Variants in RAB3IP observed in about 807,000 individuals in gnomAD.
RAB3IP encodes the protein RAB3A interacting protein.
RAB3IP carries 36 observed loss-of-function variants against 59.1 expected under a neutral mutation model. The ratio of observed to expected loss-of-function variants is 0.61; its 90% confidence interval spans 0.47 to 0.80. The LOEUF (loss-of-function observed/expected upper bound fraction) is 0.80, where lower values mean the gene tolerates loss of function less well. RAB3IP is among the 30% of genes least tolerant of loss of function. RAB3IP has a pLI of 0.00. For missense variants in RAB3IP, 511 were observed against 536.0 expected (o/e 0.95, Z 0.46); for synonymous variants, 207 against 191.2 (o/e 1.08, Z -0.68).
intron 1 of RAB3IP, among the ~76,000 whole-genome samples, chr12:69,750,191 G>A (rs1440948897): frequency 2.0e-5 from 3 of 152,128 alleles, no homozygotes; most frequent in African/African-American, 7.2e-5. Context: ...TTTAGTAAGT[G>A]CTCAACGAAT....
At chr12:69,757,669 C>G (rs1405352729) in intron 3 of RAB3IP, among the ~76,000 whole-genome samples, 1 of 152,190 alleles carries the variant, frequency 6.6e-6, no homozygotes, top group African/African-American at 2.4e-5. Flanking sequence ...TATTCCCACT[C>G]TTTCCCTAGC....
intron 8 of RAB3IP, among the ~76,000 whole-genome samples, chr12:69,811,392 T>C (rs1880435892): frequency 6.6e-6 from 1 of 152,146 alleles, no homozygotes; most frequent in Non-Finnish European, 1.5e-5. Context: ...CTCCTGAACT[T>C]ACAAGTTAAA....
chr12:69,773,424 A>C (rs80148110), intron 3 of RAB3IP, among the ~76,000 whole-genome samples: 1 of 28,034 alleles, frequency 3.6e-5, no homozygotes, highest in African/African-American at 1.4e-4. Flanking sequence ...TTTTTTTTTT[A>C]TTATACTCTA....
At chr12:69,770,283 A>G (rs1427722240) in intron 3 of RAB3IP, among the ~76,000 whole-genome samples, 4 of 152,192 alleles carry the variant, frequency 2.6e-5, no homozygotes, top group South Asian at 2.1e-4. Flanking sequence ...CAGTCCTCCA[A>G]ATCCGCCCCC....
intron 4 of RAB3IP, among the ~76,000 whole-genome samples, chr12:69,787,405 A>G (rs906082798): frequency 9.9e-5 from 15 of 152,168 alleles, no homozygotes; most frequent in African/African-American, 3.1e-4. Context: ...GTAAATGTTT[A>G]TGATATGTCT....
intron 8 of RAB3IP, among the ~76,000 whole-genome samples, chr12:69,805,364 TG>T (rs1176580405): frequency 2.6e-5 from 4 of 152,166 alleles, no homozygotes; most frequent in Non-Finnish European, 5.9e-5. Context: ...GAGACTTTGC[TG>T]AAGTTGCTTA....
chr12:69,752,154 C>G (rs1034447770), intron 1 of RAB3IP, among the ~76,000 whole-genome samples: 3 of 151,526 alleles, frequency 2.0e-5, no homozygotes, highest in African/African-American at 7.3e-5. Flanking sequence ...TAGGCCTGCA[C>G]TATCACACCC....
At chr12:69,814,235 GAA>G (rs1425847561) in intron 10 of RAB3IP, among the ~76,000 whole-genome samples, 1 of 152,116 alleles carries the variant, frequency 6.6e-6, no homozygotes, top group African/African-American at 2.4e-5. Context: ...TGGAAAGACA[GAA>G]AGATAATTTA....
rs1342819351 is a variant in RAB3IP at position 69,818,593 on chromosome 12, G to T, written c.*3147G>T. The T allele has an allele frequency of 6.6e-6, 1 of 152,150 alleles. No homozygotes were observed. Among genetic ancestry groups the T allele is most frequent in the Non-Finnish European group, 1.5e-5 (1 of 68,032 alleles). The allele number at this position is 152,150 out of a possible 1,614,324, so 9.4% of individuals were successfully genotyped here. A position where few individuals can be genotyped will look rare whatever the true frequency, so the allele number is the denominator to read the frequency against. On this transcript the variant is annotated 3_prime_UTR_variant, in exon 11 of 11. Transcript: ENST00000247833. ...ATGTCTATTTTTAGGAAGGTGTAAT[G>T]TGTTCACAGAATGGGTGATTATTAC...
At chr12:69,738,417 C>G (rs1023271046), upstream of RAB3IP, 2 of 152,262 alleles carry the variant, frequency 1.3e-5, no homozygotes, top group African/African-American at 4.8e-5. Context: ...GATTCCTCCC[C>G]TCCCATCTCC....
At chr12:69,795,481 A>C (rs908305558) in intron 6 of RAB3IP, 137 bp downstream of exon 6, 1 of 680,936 alleles carries the variant, frequency 1.5e-6, no homozygotes, top group African/African-American at 1.8e-5. Context: ...GGCTTTATCT[A>C]GAGCTGGCTG....
intron 3 of RAB3IP, among the ~76,000 whole-genome samples, chr12:69,760,008 C>G (rs1871037013): frequency 6.6e-6 from 1 of 152,040 alleles, no homozygotes; most frequent in African/African-American, 2.4e-5. Context: ...AATCTCGTCA[C>G]TTTGGGAGGC....
intron 8 of RAB3IP, among the ~76,000 whole-genome samples, chr12:69,810,534 CT>C (rs2136282242): frequency 6.6e-6 from 1 of 152,282 alleles, no homozygotes; most frequent in Non-Finnish European, 1.5e-5. Context: ...GAAATAAAAA[CT>C]GGTTTAGGTT....
intron 3 of RAB3IP, among the ~76,000 whole-genome samples, chr12:69,780,288 A>C (rs955945316): frequency 1.3e-5 from 2 of 152,066 alleles, no homozygotes; most frequent in Non-Finnish European, 1.5e-5. Context: ...GACCCCTTAC[A>C]CTCTGCTGTA....
intron 1 of RAB3IP, among the ~76,000 whole-genome samples, chr12:69,743,075 C>A (rs1887508554): frequency 6.6e-6 from 1 of 151,906 alleles, no homozygotes; most frequent in African/African-American, 2.4e-5. Flanking sequence ...GATACATACA[C>A]AAATAAGTAT....
rs765918544 is a variant in RAB3IP, at chr12:69,822,084, T to G, written c.*6638T>G. 1.1e-4 allele frequency: 17 copies of G among 152,198 alleles called. No homozygotes were observed. Among genetic ancestry groups the G allele is most frequent in the Non-Finnish European group, 2.4e-4 (16 of 68,040 alleles). 9.4% of individuals were successfully genotyped at this position (152,198 alleles called of 1,614,324 possible). ...CAGTGGATTATAGTGTGATGACTCA[T>G]TTCCGGTGGTCTCCAGGAGACTTGG... On this transcript the variant is annotated 3_prime_UTR_variant, in exon 11 of 11. Coordinates refer to ENST00000247833, the MANE Select transcript of RAB3IP (RefSeq NM_022456.5).
intron 8 of RAB3IP, among the ~76,000 whole-genome samples, chr12:69,809,250 A>C (rs1018624945): frequency 5.3e-5 from 8 of 152,058 alleles, no homozygotes; most frequent in Non-Finnish European, 8.8e-5. Context: ...TGGCTTCTAG[A>C]GTTTCTGCCG....
chr12:69,821,469 T>C lies in RAB3IP; in HGVS notation c.*6023T>C, dbSNP rs1881736575. The C allele has an allele frequency of 6.6e-6, 1 of 152,182 alleles. No homozygotes were observed. Among genetic ancestry groups the C allele is most frequent in the Non-Finnish European group, 1.5e-5 (1 of 68,020 alleles). 9.4% of individuals were successfully genotyped at this position (152,182 alleles called of 1,614,324 possible). ...CTCAGTGGAGTGCTCTGGATTCTGA[T>C]TAATAGAGATTTTCTAGTCCTCCCA... is the stretch of plus-strand genomic sequence containing the variant. On this transcript the variant is annotated 3_prime_UTR_variant, in exon 11 of 11. Coordinates refer to ENST00000247833, the MANE Select transcript of RAB3IP (RefSeq NM_022456.5).
At chr12:69,779,385 C>G (rs1225058272) in intron 3 of RAB3IP, among the ~76,000 whole-genome samples, 5 of 151,460 alleles carry the variant, frequency 3.3e-5, no homozygotes, top group Non-Finnish European at 7.4e-5. Flanking sequence ...CTGCGTCGCT[C>G]ACGCTGGTAG....
Sources: gnomAD v4.1 joint callset for allele counts (sites outside exome capture counted in the v4.1 genomes callset) on GRCh38, gnomAD v4.1.1 for gene constraint, MANE v1.5 for transcripts, NCBI Gene and HGNC (gene_info 2026-07-23, HGNC 2026-07-21) for gene names.